Variants in GTF2A1L observed in about 807,000 individuals in gnomAD.
GTF2A1L encodes the protein TFIIA-alpha and beta-like factor.
Under a neutral mutation model 49.7 loss-of-function variants are expected in GTF2A1L, and 48 were observed. The ratio of observed to expected loss-of-function variants is 0.97; its 90% CI spans 0.77 to 1.23. GTF2A1L has a LOEUF of 1.23. Among genes scored for constraint, GTF2A1L ranks in the 50% most tolerant of loss-of-function variants. GTF2A1L has a pLI of 0.00. For synonymous variants in GTF2A1L, 246 were observed against 193.5 expected (o/e 1.27, Z -2.25); for missense variants, 736 against 564.8 (o/e 1.30, Z -3.07).
rs750884890 is a variant in GTF2A1L at position 48,669,792 on chromosome 2, A to C, written c.1049A>C (p.Asp350Ala). The C allele has an allele frequency of 6.2e-7, 1 of 1,614,072 alleles. No individual in the cohort carries two copies. The highest frequency in any genetic ancestry group is 1.1e-5 in the South Asian group (1 of 91,080). Reference sequence around the variant, plus strand: ...GATATTGGTGAAATAATTCAAGTAGATGGAAGCGGTGATACATCTTCCAAT... The same window carrying C: ...GATATTGGTGAAATAATTCAAGTAGCTGGAAGCGGTGATACATCTTCCAAT... Reference protein sequence around the residue: ...DDDIGEIIQVDGSGDTSSNEE... With the variant: ...DDDIGEIIQVAGSGDTSSNEE... Residue 350 changes from aspartate to alanine, a missense_variant, in exon 7 of 9, where the codon GAT becomes GCT. Transcript: ENST00000403751.
intron 6 of GTF2A1L, among the ~76,000 whole-genome samples, chr2:48,663,979 T>G (rs1678665992): frequency 6.6e-6 from 1 of 152,230 alleles, no homozygotes; most frequent in Non-Finnish European, 1.5e-5. Context: ...TGCAGTTGAA[T>G]TTTGTAAATT....
intron 1 of GTF2A1L, 132 bp from the exon 2 acceptor site, chr2:48,620,719 G>C (rs1163153605): frequency 4.7e-6 from 2 of 427,800 alleles, no homozygotes; most frequent in Non-Finnish European, 6.5e-6. Context: ...GGAAATTGCA[G>C]TGAACTGAGT....
In GTF2A1L at chr2:48,621,206, G is replaced by C. The variant is rs1675978825; in HGVS notation, c.163G>C (p.Asp55His). ...GGTTTTGCAGTCTAAAGCAACAGAA[G>C]ACTTCTTCAGAAATAGCATCCAATC... ...TKVLQSKATEDFFRNSIQSPL... is the reference protein window; with the variant it reads ...TKVLQSKATEHFFRNSIQSPL... Residue 55 changes from aspartate to histidine, a missense_variant, in exon 3 of 9, where the codon GAC (aspartate) becomes CAC (histidine). By Grantham distance (81) the Asp-to-His change is moderately conservative. Coordinates refer to ENST00000403751, the MANE Select transcript of GTF2A1L (RefSeq NM_006872.5). 6.2e-7 allele frequency: 1 copy of C among 1,613,842 alleles called. No homozygotes were observed. The highest frequency in any genetic ancestry group is 1.7e-5 in the Admixed American group (1 of 60,002).
rs1558769681 is a variant in GTF2A1L at position 48,669,704 on chromosome 2, ATTTC to A, written c.979-12_979-9del. 2 of 1,593,940 alleles carry A rather than the reference ATTTC, an allele frequency of 1.3e-6. No individual in the cohort carries two copies. The highest frequency in any genetic ancestry group is 1.7e-6 in the Non-Finnish European group (2 of 1,169,396). ...CCTTATTTGACTTGAACTTTATTGT[ATTTC>A]TTTCTCTTTTTAGGATTCTAATTCT... On this transcript the variant is annotated splice_polypyrimidine_tract_variant and intron_variant, in intron 6 of 8. Transcript: ENST00000403751.
chr2:48,640,141 A>T (rs758148921), intron 3 of GTF2A1L, among the ~76,000 whole-genome samples: 1 of 152,220 alleles, frequency 6.6e-6, no homozygotes, highest in Non-Finnish European at 1.5e-5. Flanking sequence ...CAGTATGGCA[A>T]TTCCTCAAAG....
chr2:48,669,277 A>G (rs1294936167), intron 6 of GTF2A1L, among the ~76,000 whole-genome samples: 1 of 152,194 alleles, frequency 6.6e-6, no homozygotes, highest in Non-Finnish European at 1.5e-5. Context: ...GGAATCATGT[A>G]AGATTTGTCC....
chr2:48,642,334 C>A, intron 3 of GTF2A1L, 68 bp from the exon 4 acceptor site: 3 of 1,381,274 alleles, frequency 2.2e-6, no homozygotes, highest in Non-Finnish European at 2.9e-6. Flanking sequence ...TAAAAATAAG[C>A]TATATTTAGT....
intron 6 of GTF2A1L, among the ~76,000 whole-genome samples, chr2:48,657,142 G>A (rs949112480): frequency 2.6e-5 from 4 of 152,108 alleles, no homozygotes; most frequent in African/African-American, 9.7e-5. Context: ...ACATGTGCAA[G>A]GTTTGTGACA....
At chr2:48,661,954 A>T (rs1367255060) in intron 6 of GTF2A1L, among the ~76,000 whole-genome samples, 1 of 152,040 alleles carries the variant, frequency 6.6e-6, no homozygotes, top group Non-Finnish European at 1.5e-5. Context: ...TTCTATATGT[A>T]TTTAGGTTTT....
chr2:48,626,246 G>A (rs1486331051), intron 3 of GTF2A1L, among the ~76,000 whole-genome samples: 1 of 143,566 alleles, frequency 7.0e-6, no homozygotes, highest in African/African-American at 2.5e-5. Flanking sequence ...GTTTTTGTCA[G>A]TGCCATACTG....
chr2:48,651,218 A>T (rs933370396), intron 6 of GTF2A1L, among the ~76,000 whole-genome samples: 9 of 151,292 alleles, frequency 5.9e-5, no homozygotes, highest in Non-Finnish European at 1.3e-4. Context: ...CAGAGAAAAT[A>T]AAAAAAAAGG....
intron 2 of GTF2A1L, 47 bp from the exon 3 acceptor site, chr2:48,621,120 A>G: frequency 6.3e-7 from 1 of 1,574,860 alleles, no homozygotes; most frequent in Non-Finnish European, 8.6e-7. Context: ...GTATCATTAT[A>G]TGTGTATATA....
chr2:48,633,037 G>T, intron 3 of GTF2A1L: 1 of 247,986 alleles, frequency 4.0e-6, no homozygotes, highest in Non-Finnish European at 8.3e-6. Flanking sequence ...TTACTGTTTA[G>T]GTCTCTGTTC....
At chr2:48,643,027 G>A (rs769841161) in intron 4 of GTF2A1L, among the ~76,000 whole-genome samples, 13 of 152,166 alleles carry the variant, frequency 8.5e-5, no homozygotes. Flanking sequence ...GTTAGGAAAT[G>A]TCTGAAGTTA....
rs1675954309 is a variant in GTF2A1L at position 48,620,878 on chromosome 2, G to A, written c.49G>A (p.Asp17Asn). Residue 17 changes from aspartate to asparagine, a missense_variant, in exon 2 of 9, where the codon GAT becomes AAT. Physicochemically the swap from Asp to Asn is conservative, Grantham distance 23. Transcript: ENST00000403751. ...TAAACTCTACAGATCTGTAATTGAA[G>A]ATGTAATTGAAGGAGTTCGGAATCT... ...VPKLYRSVIEDVIEGVRNLFA... is the reference protein window; with the variant it reads ...VPKLYRSVIENVIEGVRNLFA... 1 of 1,595,824 alleles carries A rather than the reference G, an allele frequency of 6.3e-7. No homozygotes were observed. The highest frequency in any genetic ancestry group is 8.5e-7 in the Non-Finnish European group (1 of 1,171,642).
At chr2:48,628,423 T>C (rs1326556599) in intron 3 of GTF2A1L, among the ~76,000 whole-genome samples, 3 of 144,208 alleles carry the variant, frequency 2.1e-5, no homozygotes, top group Non-Finnish European at 4.7e-5. Flanking sequence ...CCATTGTGAC[T>C]GGTGTGAGGT....
At chr2:48,675,753 A>G (rs2104323793) in intron 8 of GTF2A1L, among the ~76,000 whole-genome samples, 2 of 152,078 alleles carry the variant, frequency 1.3e-5, no homozygotes, top group South Asian at 4.1e-4. Context: ...AGACTTGCTT[A>G]TAGCTGACTT....
Position 48,646,632 on chromosome 2 carries a change from A to T in GTF2A1L, c.568A>T (p.Ile190Phe). 1 of 1,614,162 alleles carries T rather than the reference A, an allele frequency of 6.2e-7. No homozygotes were observed. Among genetic ancestry groups the T allele is most frequent in the Non-Finnish European group, 8.5e-7 (1 of 1,180,020 alleles). ...LQATTEKSQR[I>F]ETVLQQPAIL... ...AGCAACTACTGAAAAATCACAGAGAATTGAAACCGTGCTACAGCAACCCGC... is the reference window on the plus strand; with the variant it reads ...AGCAACTACTGAAAAATCACAGAGATTTGAAACCGTGCTACAGCAACCCGC... The change falls in exon 6 of 9, where the codon ATT (isoleucine) becomes TTT (phenylalanine). Residue 190 changes from isoleucine (I) to phenylalanine (F), a missense_variant. Ile to Phe is a conservative substitution (Grantham distance 21). Coordinates refer to ENST00000403751, the MANE Select transcript of GTF2A1L (RefSeq NM_006872.5).
In GTF2A1L at chr2:48,646,873, T is replaced by C. The variant is rs1445275136; in HGVS notation, c.809T>C (p.Met270Thr). The C allele has an allele frequency of 1.2e-6, 2 of 1,614,110 alleles. No homozygotes were observed. Among genetic ancestry groups the C allele is most frequent in the African/African-American group, 2.7e-5 (2 of 74,946 alleles). ...TCAGTGCTCAGTGGTTCAGCTAGCA[T>C]GGCTCAAAATCTGCATGATGAGTCC... The part of the protein sequence containing the change: ...VESVLSGSAS[M>T]AQNLHDESLS... Residue 270 changes from methionine to threonine, a missense_variant, in exon 6 of 9, where the codon ATG becomes ACG. By Grantham distance (81) the Met-to-Thr change is moderately conservative. Transcript: ENST00000403751.
Sources: gnomAD v4.1 joint callset for allele counts (sites outside exome capture counted in the v4.1 genomes callset) on GRCh38, gnomAD v4.1.1 for gene constraint, MANE v1.5 for transcripts, NCBI Gene and HGNC (gene_info 2026-07-23, HGNC 2026-07-21) for gene names.